The following SYNE1 variants were observed in gnomAD, a reference collection of about 807,000 sequenced individuals.
SYNE1 encodes spectrin repeat containing nuclear envelope protein 1.
SYNE1 carries 616 observed loss-of-function variants against 1,111.0 expected under a neutral mutation model. The ratio of observed to expected loss-of-function variants is 0.55; its 90% CI spans 0.52 to 0.59. The LOEUF is 0.59. Among genes scored for constraint, SYNE1 ranks in the 20% least tolerant of loss-of-function variants. SYNE1 has a pLI of 0.00. For synonymous variants in SYNE1, 3,855 were observed against 3,825.8 expected (o/e 1.01, Z -0.28); for missense variants, 10,006 against 10,417.0 (o/e 0.96, Z 1.72).
At chr6:152,339,499 AAGTGACATATATT>A in intron 74 of SYNE1, 133 bp from the exon 75 acceptor site, 6 of 1,310,228 alleles carry the variant, frequency 4.6e-6, no homozygotes, top group Non-Finnish European at 6.4e-6. Flanking sequence ...CATTGTGTTC[AAGTGACATATATT>A]AGTGACTCAC....
intron 4 of SYNE1, among the ~76,000 whole-genome samples, chr6:152,533,367 T>C (rs954950672): frequency 1.3e-5 from 2 of 152,076 alleles, no homozygotes; most frequent in Non-Finnish European, 2.9e-5. Flanking sequence ...TAAATCTGCT[T>C]GGAAAACTCA....
intron 91 of SYNE1, among the ~76,000 whole-genome samples, chr6:152,303,505 ACATATACACATG>A (rs1251670081): frequency 1.3e-5 from 2 of 152,128 alleles, no homozygotes; most frequent in Non-Finnish European, 2.9e-5. Flanking sequence ...ATATACACAC[ACATATACACATG>A]CACACACACA....
chr6:152,237,361 G>A (rs1344936210), intron 108 of SYNE1, among the ~76,000 whole-genome samples: 1 of 143,978 alleles, frequency 6.9e-6, no homozygotes, highest in Admixed American at 7.2e-5. Flanking sequence ...CCAGGCTGGA[G>A]TACAGTGGCA....
rs564053000 is a variant in SYNE1 at position 152,511,485 on chromosome 6, T to C, written c.310-382A>G. 1.0e-5 allele frequency: 13 copies of C among 1,249,870 alleles called. No homozygotes were observed. In the African/African-American group the frequency reaches 1.9e-4, roughly 18 times the overall value. 77.4% of individuals were successfully genotyped at this position (1,249,870 alleles called of 1,614,324 possible). On this transcript the variant is annotated intron_variant, in intron 6 of 145. Coordinates refer to ENST00000367255, the MANE Select transcript of SYNE1 (RefSeq NM_182961.4). Reference sequence around the variant, plus strand: ...GAAGTTTAAGAAGATGCACTTACTTTGAAGTTTGTTACCAAATAGCAGGTA... The same window carrying C: ...GAAGTTTAAGAAGATGCACTTACTTCGAAGTTTGTTACCAAATAGCAGGTA...
rs59642173 is a variant in SYNE1 at position 152,303,903 on chromosome 6, G to GCACACA, written c.17347-1846_17347-1841dup. ...CTGTATGCAAAACACGTGTGCACAT[G>GCACACA]CACACACACACACACACACACACAT... is the stretch of plus-strand genomic sequence containing the variant. On this transcript the variant is annotated intron_variant, in intron 91 of 145. Transcript: ENST00000367255. Among the ~76,000 whole-genome samples, 1,305 of 149,454 alleles carry GCACACA rather than the reference G, an allele frequency of 8.7e-3. 20 individuals carry two copies. Among genetic ancestry groups the GCACACA allele is most frequent in the African/African-American group, 0.03 (1,211 of 40,836 alleles).
rs755509246 is a variant in SYNE1 at position 152,484,974 on chromosome 6, TAA to T, written c.1048-4_1048-3del. 4 of 1,610,516 alleles carry T rather than the reference TAA, an allele frequency of 2.5e-6. No homozygotes were observed. Among genetic ancestry groups the T allele is most frequent in the African/African-American group, 1.3e-5 (1 of 74,826 alleles). ...TTGAACTCTGAAGTGCTTAAATGACTAAAAGAGGAAAAACAGCAACAGTATGG... is the reference window on the plus strand; with the variant it reads ...TTGAACTCTGAAGTGCTTAAATGACTAAGAGGAAAAACAGCAACAGTATGG... On this transcript the variant is annotated splice_polypyrimidine_tract_variant and splice_region_variant and intron_variant, in intron 12 of 145. Coordinates refer to ENST00000367255, the MANE Select transcript of SYNE1 (RefSeq NM_182961.4).
chr6:152,612,799 A>G (rs1487615206), intron 3 of SYNE1, among the ~76,000 whole-genome samples: 1 of 152,204 alleles, frequency 6.6e-6, no homozygotes, highest in Non-Finnish European at 1.5e-5. Context: ...CTTATCCACC[A>G]TGATCAAGCT....
chr6:152,312,031 G>T (rs1021549531), intron 87 of SYNE1, among the ~76,000 whole-genome samples: 1 of 152,136 alleles, frequency 6.6e-6, no homozygotes, highest in Non-Finnish European at 1.5e-5. Context: ...TGATCCGCAG[G>T]CCTTGGCCTC....
chr6:152,421,374 G>T (rs1166182692), intron 39 of SYNE1, among the ~76,000 whole-genome samples: 1 of 152,112 alleles, frequency 6.6e-6, no homozygotes, highest in Non-Finnish European at 1.5e-5. Context: ...AGCCTGTATG[G>T]CCAATCACTA....
intron 41 of SYNE1, among the ~76,000 whole-genome samples, chr6:152,414,491 A>G (rs1174435892): frequency 6.6e-6 from 1 of 152,128 alleles, no homozygotes; most frequent in African/African-American, 2.4e-5. Context: ...GAGTTCACAC[A>G]ATGAGTCTAC....
chr6:152,128,885 T>A (rs1281022275), intron 145 of SYNE1: 3 of 152,198 alleles, frequency 2.0e-5, no homozygotes, highest in Admixed American at 2.0e-4. Context: ...CAAACAGAGG[T>A]ACCGACGGTA....
intron 131 of SYNE1, among the ~76,000 whole-genome samples, chr6:152,157,493 A>C (rs906201517): frequency 2.0e-5 from 3 of 152,186 alleles, no homozygotes; most frequent in African/African-American, 7.2e-5. Flanking sequence ...ATAAGTCTTA[A>C]TGTTCGATAG....
intron 3 of SYNE1, among the ~76,000 whole-genome samples, chr6:152,619,709 A>G (rs2099671143): frequency 6.6e-6 from 1 of 152,130 alleles, no homozygotes; most frequent in Admixed American, 6.6e-5. Flanking sequence ...GCCCAAGGAA[A>G]GAAGGCACTG....
Position 152,488,520 on chromosome 6 carries a change from A to T in SYNE1, c.940-17T>A, listed in dbSNP as rs1208871149. The T allele has an allele frequency of 1.5e-6, 2 of 1,365,288 alleles. No individual in the cohort carries two copies. Among genetic ancestry groups the T allele is most frequent in the Non-Finnish European group, 2.1e-6 (2 of 959,252 alleles). The allele number at this position is 1,365,288 out of a possible 1,614,324, so 84.6% of individuals were successfully genotyped here. ...GTCTTCTCTCTGGAAATGAGGAGAC[A>T]TTACAATTTTATTAGTATCTGTGCA... On this transcript the variant is annotated splice_polypyrimidine_tract_variant and intron_variant, in intron 11 of 145. Coordinates refer to ENST00000367255, the MANE Select transcript of SYNE1 (RefSeq NM_182961.4).
At chr6:152,326,657 T>C in intron 78 of SYNE1, 24 bp from the exon 79 acceptor site, 1 of 1,598,724 alleles carries the variant, frequency 6.3e-7, no homozygotes, top group Middle Eastern at 1.7e-4. Context: ...ATTGCAAACA[T>C]AATCAACTCT....
intron 32 of SYNE1, among the ~76,000 whole-genome samples, chr6:152,437,184 C>G (rs1430212816): frequency 5.3e-5 from 8 of 152,058 alleles, no homozygotes; most frequent in Non-Finnish European, 1.0e-4. Flanking sequence ...AGTAATCAAG[C>G]CATTTTGTTA....
intron 115 of SYNE1, among the ~76,000 whole-genome samples, 163 bp downstream of exon 115, chr6:152,230,383 TA>T (rs746143296): frequency 2.6e-5 from 4 of 151,964 alleles, no homozygotes; most frequent in Non-Finnish European, 4.4e-5. Context: ...TAATGTATTT[TA>T]AAAAAAACCC....
intron 12 of SYNE1, 38 bp from the exon 13 acceptor site, chr6:152,485,010 C>A: frequency 6.3e-7 from 1 of 1,597,824 alleles, no homozygotes; most frequent in South Asian, 1.1e-5. Context: ...GGCAATGAGT[C>A]AAAAAAAGCA....
At chr6:152,497,587 T>C (rs941070133) in intron 11 of SYNE1, among the ~76,000 whole-genome samples, 2 of 152,198 alleles carry the variant, frequency 1.3e-5, no homozygotes, top group African/African-American at 4.8e-5. Context: ...TTGACTGCCC[T>C]GAAGAGGAGC....
Sources: allele counts gnomAD v4.1 joint callset (sites outside exome capture counted in the v4.1 genomes callset), GRCh38; gene constraint gnomAD v4.1.1; transcripts MANE v1.5; gene names NCBI Gene and HGNC (gene_info 2026-07-23, HGNC 2026-07-21).